CAST: variants seen among roughly 807,000 people sequenced by gnomAD.
The protein encoded by CAST is MIR583 host.
In CAST, 76 loss-of-function variants were observed where a neutral mutation model predicts 119.6. The ratio of observed to expected loss-of-function variants is 0.64; its 90% CI spans 0.53 to 0.77. The LOEUF (loss-of-function observed/expected upper bound fraction) is 0.77. Ranked by LOEUF, CAST falls within the 30% of genes least tolerant of loss-of-function variation. The probability of loss-of-function intolerance (pLI) is 0.00; values close to 1 mark genes in which losing one functional copy is unlikely to be tolerated. For missense variants in CAST, 953 were observed against 946.5 expected, an observed-to-expected ratio of 1.01 and a Z score of -0.09; for synonymous variants, 319 against 331.6, an observed-to-expected ratio of 0.96 and a Z score of 0.41.
the CAST span, among the ~76,000 whole-genome samples, chr5:96,315,860 G>C: frequency 6.6e-6 from 1 of 152,094 alleles, no homozygotes; most frequent in East Asian, 1.9e-4. Context: ...CCATGCTGGA[G>C]TAGTCACATG....
chr5:96,244,038 G>A, the CAST span, among the ~76,000 whole-genome samples: 2 of 152,186 alleles, frequency 1.3e-5, no homozygotes, highest in African/African-American at 2.4e-5. Flanking sequence ...GCAGAGTGAC[G>A]TTAAGGTTAG....
the CAST span, among the ~76,000 whole-genome samples, chr5:96,143,792 A>C: frequency 5.3e-5 from 8 of 152,228 alleles, no homozygotes; most frequent in Non-Finnish European, 1.0e-4. Flanking sequence ...AAACATGGCA[A>C]ATATATATAA....
intron 1 of CAST, among the ~76,000 whole-genome samples, chr5:96,605,117 C>A (rs1462624545): frequency 6.6e-6 from 1 of 152,166 alleles, no homozygotes; most frequent in Non-Finnish European, 1.5e-5. Flanking sequence ...TGATGCCACA[C>A]ACTGAAATAC....
At chr5:96,249,612 T>C in the CAST span, among the ~76,000 whole-genome samples, 1 of 152,228 alleles carries the variant, frequency 6.6e-6, no homozygotes, top group African/African-American at 2.4e-5. Flanking sequence ...TTTCCAAAAC[T>C]AACTGAAAAG....
At chr5:96,183,883 TAAAC>T in the CAST span, among the ~76,000 whole-genome samples, 36 of 152,332 alleles carry the variant, frequency 2.4e-4, no homozygotes, top group Non-Finnish European at 2.6e-4. Context: ...ATTAAAAACA[TAAAC>T]AACCCAGAAT....
the CAST span, among the ~76,000 whole-genome samples, chr5:96,035,107 CAA>C: frequency 7.6e-6 from 1 of 131,364 alleles, no homozygotes; most frequent in Non-Finnish European, 1.6e-5. Context: ...ATATATACTT[CAA>C]GATATATATA....
intron 24 of CAST, among the ~76,000 whole-genome samples, chr5:96,759,729 A>G (rs2150651188): frequency 6.6e-6 from 1 of 152,154 alleles, no homozygotes; most frequent in Non-Finnish European, 1.5e-5. Flanking sequence ...ATACAATTAA[A>G]TTTTAACAGA....
chr5:96,152,670 C>G, the CAST span, among the ~76,000 whole-genome samples: 2 of 152,314 alleles, frequency 1.3e-5, no homozygotes, highest in East Asian at 3.9e-4. Context: ...CCAGAGATTT[C>G]CACATCTCTA....
chr5:96,500,069 G>A, the CAST span, among the ~76,000 whole-genome samples: 2 of 152,086 alleles, frequency 1.3e-5, no homozygotes, highest in Non-Finnish European at 2.9e-5. Flanking sequence ...CGCCTCATAT[G>A]GGAGCAGTCT....
intron 1 of CAST, among the ~76,000 whole-genome samples, chr5:96,664,318 CATATATGTAAATATATGTGTGTGCAT>C (rs1182671860): frequency 4.0e-5 from 6 of 151,208 alleles, no homozygotes; most frequent in South Asian, 2.1e-4. Context: ...TATATTTACA[CATATATGTAAATATATGTGTGTGCAT>C]ATATATGTAA....
At chr5:96,311,204 ATGT>A in the CAST span, among the ~76,000 whole-genome samples, 10 of 152,036 alleles carry the variant, frequency 6.6e-5, no homozygotes, top group African/African-American at 1.2e-4. Flanking sequence ...TTTCAGGAAC[ATGT>A]TGTTTCATTT....
the CAST span, among the ~76,000 whole-genome samples, chr5:96,239,493 T>C: frequency 2.0e-5 from 3 of 152,034 alleles, no homozygotes; most frequent in Non-Finnish European, 4.4e-5. Flanking sequence ...TCTACCTTAA[T>C]GTTTCTAGCT....
chr5:96,075,434 G>T, the CAST span, among the ~76,000 whole-genome samples: 2 of 152,124 alleles, frequency 1.3e-5, no homozygotes, highest in Admixed American at 1.3e-4. Context: ...TTACAGATGA[G>T]GAAATAGATG....
the CAST span, among the ~76,000 whole-genome samples, chr5:96,438,418 A>G: frequency 6.6e-6 from 1 of 152,104 alleles, no homozygotes; most frequent in African/African-American, 2.4e-5. Context: ...CTATTAGTAT[A>G]TCTTCTTTTA....
At chr5:96,221,970 C>T in the CAST span, among the ~76,000 whole-genome samples, 1 of 152,102 alleles carries the variant, frequency 6.6e-6, no homozygotes, top group Non-Finnish European at 1.5e-5. Context: ...TTACAGCCAA[C>T]TGATTTTCAA....
the CAST span, among the ~76,000 whole-genome samples, chr5:96,182,569 G>T: frequency 6.6e-6 from 1 of 152,156 alleles, no homozygotes. Flanking sequence ...CCATCCAAAT[G>T]ATGGTATTAT....
chr5:96,656,143 T>G (rs749675249), intron 1 of CAST, among the ~76,000 whole-genome samples: 3 of 152,236 alleles, frequency 2.0e-5, no homozygotes, highest in Non-Finnish European at 4.4e-5. Flanking sequence ...TGTGCATTTA[T>G]ATGTACTAGT....
intron 3 of CAST, among the ~76,000 whole-genome samples, chr5:96,706,594 T>C (rs188130351): frequency 3.2e-4 from 48 of 152,358 alleles, no homozygotes; most frequent in Admixed American, 8.5e-4. Context: ...CAGATCCTAA[T>C]GACTGAGATG....
chr5:96,537,006 C>T (rs1561409997), intron 1 of CAST, among the ~76,000 whole-genome samples: 1 of 152,176 alleles, frequency 6.6e-6, no homozygotes, highest in Non-Finnish European at 1.5e-5. Flanking sequence ...TGAATCTACC[C>T]AGTGCTCAAA....
Sources: gnomAD v4.1 joint callset for allele counts (sites outside exome capture counted in the v4.1 genomes callset) on GRCh38, gnomAD v4.1.1 for gene constraint, MANE v1.5 for transcripts, NCBI Gene and HGNC (gene_info 2026-07-23, HGNC 2026-07-21) for gene names.